The following ZMYM4 variants were observed in gnomAD, a reference collection of about 807,000 sequenced individuals.
ZMYM4 encodes zinc finger MYM-type containing 4, also known as zinc finger MYM-type protein 4.
A neutral mutation model predicts 183.2 loss-of-function variants in ZMYM4; 31 were observed. The observed-to-expected ratio is 0.17, with a 90% CI of 0.13 to 0.23. The LOEUF is 0.23. Among genes scored for constraint, ZMYM4 ranks in the 10% least tolerant of loss-of-function variants. The pLI is 1.00. For synonymous variants in ZMYM4, 592 were observed against 631.2 expected (o/e 0.94, Z 0.93); for missense variants, 1,273 against 1,840.3 (o/e 0.69, Z 5.64).
At chr1:35,297,123 T>A (rs1267557917) in intron 1 of ZMYM4, among the ~76,000 whole-genome samples, 1 of 152,094 alleles carries the variant, frequency 6.6e-6, no homozygotes, top group Admixed American at 6.6e-5. Flanking sequence ...GTGCTGGGAT[T>A]ACAAGCGTGA....
At chr1:35,402,726 T>C (rs925255279) in intron 23 of ZMYM4, among the ~76,000 whole-genome samples, 11 of 152,342 alleles carry the variant, frequency 7.2e-5, no homozygotes, top group Middle Eastern at 3.4e-3. Flanking sequence ...AAAAGAAATA[T>C]AGGTAATTTT....
In ZMYM4 at chr1:35,421,630, G is replaced by A. The variant is rs893656118; in HGVS notation, c.*1953G>A. On this transcript the variant is annotated 3_prime_UTR_variant, in exon 30 of 30. Coordinates refer to ENST00000314607, the MANE Select transcript of ZMYM4 (RefSeq NM_005095.3). ...ACACCCAATACCCAGATAAATGACT[G>A]TATCAGGATTTCATTTGCATGTTAG... is the stretch of plus-strand genomic sequence containing the variant. 1 of 152,160 alleles carries A rather than the reference G, an allele frequency of 6.6e-6. No individual in the cohort carries two copies. The highest frequency in any genetic ancestry group is 1.5e-5 in the Non-Finnish European group (1 of 68,026). 9.4% of individuals were successfully genotyped at this position (152,160 alleles called of 1,614,324 possible). A position where few individuals can be genotyped will look rare whatever the true frequency, so the allele number is the denominator to read the frequency against.
At chr1:35,361,873 A>T in intron 5 of ZMYM4, 84 bp downstream of exon 5, 1 of 1,506,232 alleles carries the variant, frequency 6.6e-7, no homozygotes, top group Non-Finnish European at 8.9e-7. Flanking sequence ...TTAAGAAGTG[A>T]AATAGTTTGT....
chr1:35,276,853 C>A (rs1011636442), intron 1 of ZMYM4, among the ~76,000 whole-genome samples: 1 of 152,144 alleles, frequency 6.6e-6, no homozygotes, highest in Non-Finnish European at 1.5e-5. Flanking sequence ...GTGATCCACC[C>A]GCCTCCGCCT....
chr1:35,369,296 C>T (rs1644155241), intron 5 of ZMYM4, among the ~76,000 whole-genome samples: 1 of 152,072 alleles, frequency 6.6e-6, no homozygotes, highest in Admixed American at 6.5e-5. Flanking sequence ...TGTAGTAGAA[C>T]TCAGTTATAT....
At chr1:35,418,346 C>G in intron 28 of ZMYM4, 97 bp from the exon 29 acceptor site, 1 of 1,360,738 alleles carries the variant, frequency 7.3e-7, no homozygotes, top group Non-Finnish European at 1.0e-6. Flanking sequence ...GAGGAAATGA[C>G]AAAGTTCTGG....
At chr1:35,405,769 GTT>G (rs11312114) in intron 25 of ZMYM4, among the ~76,000 whole-genome samples, 6 of 142,526 alleles carry the variant, frequency 4.2e-5, no homozygotes, top group Admixed American at 2.1e-4. Context: ...TTTTTTTTTT[GTT>G]TTTTTTTTTA....
chr1:35,383,198 A>T (rs1179996801), intron 9 of ZMYM4, among the ~76,000 whole-genome samples: 2 of 152,204 alleles, frequency 1.3e-5, no homozygotes, highest in Non-Finnish European at 2.9e-5. Flanking sequence ...TATTAGTTTT[A>T]AAATTGATAA....
chr1:35,325,141 G>A (rs1421125895), intron 1 of ZMYM4, among the ~76,000 whole-genome samples: 2 of 151,960 alleles, frequency 1.3e-5, no homozygotes, highest in African/African-American at 4.8e-5. Flanking sequence ...GAGAGGATGT[G>A]ATTTATCTCT....
At chr1:35,283,960 G>GT in intron 1 of ZMYM4, among the ~76,000 whole-genome samples, 1 of 147,788 alleles carries the variant, frequency 6.8e-6, no homozygotes, top group Non-Finnish European at 1.5e-5. Context: ...ATGCACAAAA[G>GT]TTTTTTTGTT....
At chr1:35,360,507 TGCAAGG>T in intron 3 of ZMYM4, among the ~76,000 whole-genome samples, 1 of 152,234 alleles carries the variant, frequency 6.6e-6, no homozygotes, top group South Asian at 2.1e-4. Context: ...TACAAGTCTG[TGCAAGG>T]ATATACTATA....
chr1:35,378,351 A>T (rs1644379148), intron 7 of ZMYM4, among the ~76,000 whole-genome samples: 1 of 152,206 alleles, frequency 6.6e-6, no homozygotes. Flanking sequence ...GAAGCTTTTT[A>T]ATTTCCTTTG....
chr1:35,329,964 C>T (rs1570365787), intron 2 of ZMYM4, among the ~76,000 whole-genome samples: 1 of 152,076 alleles, frequency 6.6e-6, no homozygotes, highest in African/African-American at 2.4e-5. Context: ...ACCTGTAATT[C>T]CAGTACTTTG....
chr1:35,398,583 C>G (rs1227983609), intron 21 of ZMYM4, 117 bp downstream of exon 21: 9 of 930,322 alleles, frequency 9.7e-6, no homozygotes, highest in Non-Finnish European at 1.3e-5. Context: ...TAAGGGGTAT[C>G]AGATGTATAT....
intron 1 of ZMYM4, among the ~76,000 whole-genome samples, chr1:35,301,322 G>C (rs571375122): frequency 6.6e-6 from 1 of 152,050 alleles, no homozygotes; most frequent in African/African-American, 2.4e-5. Flanking sequence ...CAAGGCGGGC[G>C]GATCACTTAA....
At chr1:35,352,484 T>C (rs1483777204) in intron 2 of ZMYM4, among the ~76,000 whole-genome samples, 2 of 152,134 alleles carry the variant, frequency 1.3e-5, no homozygotes, top group Non-Finnish European at 2.9e-5. Flanking sequence ...TCTCTGTTCC[T>C]TCAGTTCCTC....
At chr1:35,370,139 A>G (rs12027359) in intron 6 of ZMYM4, 26 bp downstream of exon 6, 40,663 of 1,606,542 alleles carry the variant, frequency 0.025, 2,431 homozygotes, top group African/African-American at 0.22. Context: ...GAATAAATGG[A>G]TTGTGTATGT....
At chr1:35,322,176 G>C (rs1389503326) in intron 1 of ZMYM4, among the ~76,000 whole-genome samples, 1 of 152,088 alleles carries the variant, frequency 6.6e-6, no homozygotes. Context: ...GGGTAAGATT[G>C]AATGTTTAGT....
Position 35,285,652 on chromosome 1 carries a change from G to A in ZMYM4, c.39+16567G>A, listed in dbSNP as rs148004073. On this transcript the variant is annotated intron_variant, in intron 1 of 29. Coordinates refer to ENST00000314607, the MANE Select transcript of ZMYM4 (RefSeq NM_005095.3). ...ATTTGCATTGTATTAGGTGTTATAA[G>A]TAATCTAGAGATGATTTAAATTGTA... 2.0e-4 allele frequency among the ~76,000 whole-genome samples: 31 copies of A among 152,288 alleles called. No homozygotes were observed. In the East Asian group the frequency reaches 6.0e-3, roughly 29 times the overall value.
Sources: gnomAD v4.1 joint callset for allele counts (sites outside exome capture counted in the v4.1 genomes callset) on GRCh38, gnomAD v4.1.1 for gene constraint, MANE v1.5 for transcripts, NCBI Gene and HGNC (gene_info 2026-07-23, HGNC 2026-07-21) for gene names.